KCNMB2: variants seen among roughly 807,000 people sequenced by gnomAD.
The protein encoded by KCNMB2 is potassium calcium-activated channel subfamily M regulatory beta subunit 2, also known as calcium-activated potassium channel subunit beta-2.
KCNMB2 carries 9 observed loss-of-function variants against 24.5 expected under a neutral mutation model. That is an observed-to-expected ratio of 0.37 (90% CI 0.22 to 0.64). KCNMB2 has a LOEUF of 0.64. KCNMB2 is among the 30% of genes least tolerant of loss of function. KCNMB2 has a pLI of 0.63. For synonymous variants in KCNMB2, 109 were observed against 104.4 expected, an observed-to-expected ratio of 1.04 and a Z score of -0.27; for missense variants, 226 against 284.3, an observed-to-expected ratio of 0.79 and a Z score of 1.47.
At chr3:178,718,306 T>C (rs1722684941) in intron 1 of KCNMB2, among the ~76,000 whole-genome samples, 2 of 152,240 alleles carry the variant, frequency 1.3e-5, no homozygotes, top group African/African-American at 4.8e-5. Flanking sequence ...TGCATTGCCC[T>C]GTATGCAGGT....
chr3:178,606,030 TAG>T (rs1718259472), intron 1 of KCNMB2, among the ~76,000 whole-genome samples: 1 of 152,132 alleles, frequency 6.6e-6, no homozygotes, highest in Admixed American at 6.6e-5. Context: ...GCATAAACTG[TAG>T]ATTTAATCAG....
intron 1 of KCNMB2, among the ~76,000 whole-genome samples, chr3:178,544,037 C>A (rs1577000164): frequency 6.6e-6 from 1 of 152,144 alleles, no homozygotes; most frequent in Non-Finnish European, 1.5e-5. Flanking sequence ...CATCACAGTA[C>A]TTTCAATGCC....
At chr3:178,553,451 A>G (rs558054625) in intron 1 of KCNMB2, among the ~76,000 whole-genome samples, 1 of 152,316 alleles carries the variant, frequency 6.6e-6, no homozygotes, top group Admixed American at 6.5e-5. Context: ...AATGATGGGA[A>G]TTGTGACCCA....
chr3:178,747,107 T>G (rs1263279640), intron 1 of KCNMB2: 1 of 152,532 alleles, frequency 6.6e-6, no homozygotes, highest in Non-Finnish European at 1.5e-5. Context: ...AAGACATACC[T>G]GAGACTGCAC....
At chr3:178,750,217 C>CA (rs34836983) in intron 1 of KCNMB2, among the ~76,000 whole-genome samples, 32,850 of 140,914 alleles carry the variant, frequency 0.23, 5,021 homozygotes, top group African/African-American at 0.45. Context: ...ATAACTTTGG[C>CA]AAAAAAAAAA....
At position 178,552,693 on chromosome 3, in the gene KCNMB2, G is replaced by C. The variant is rs115614795; in HGVS notation, c.-68+15982G>C. On this transcript the variant is annotated intron_variant, in intron 1 of 4. Coordinates refer to ENST00000452583, the MANE Select transcript of KCNMB2 (RefSeq NM_181361.3). ...TATATTTGTAACTGTTTTAACTCAA[G>C]CAAATATAATAAGTATCCTTGCTTT... 5.2e-3 allele frequency among the ~76,000 whole-genome samples: 790 copies of C among 152,126 alleles called. 8 individuals are homozygous for C. Among genetic ancestry groups the C allele is most frequent in the African/African-American group, 0.018 (755 of 41,508 alleles).
intron 1 of KCNMB2, among the ~76,000 whole-genome samples, chr3:178,783,422 G>A (rs910663846): frequency 6.6e-6 from 1 of 151,316 alleles, no homozygotes; most frequent in Admixed American, 6.6e-5. Context: ...TCCTACCCAG[G>A]AGCATGGAAT....
intron 1 of KCNMB2, among the ~76,000 whole-genome samples, chr3:178,556,713 C>T (rs1052836767): frequency 6.6e-6 from 1 of 152,102 alleles, no homozygotes; most frequent in African/African-American, 2.4e-5. Context: ...CCGACACATA[C>T]TTTTAAAGGA....
At chr3:178,804,002 G>A (rs1713869953) in intron 1 of KCNMB2, among the ~76,000 whole-genome samples, 1 of 152,106 alleles carries the variant, frequency 6.6e-6, no homozygotes, top group Non-Finnish European at 1.5e-5. Context: ...CATAGGAATG[G>A]TTCTGCCAGG....
intron 2 of KCNMB2, among the ~76,000 whole-genome samples, chr3:178,821,843 T>C (rs1025588934): frequency 5.3e-5 from 8 of 152,210 alleles, no homozygotes; most frequent in South Asian, 2.1e-4. Context: ...TTCTGTCTCA[T>C]AGATATTTCT....
chr3:178,737,746 G>A (rs1449034573), intron 1 of KCNMB2, among the ~76,000 whole-genome samples: 1 of 152,156 alleles, frequency 6.6e-6, no homozygotes, highest in Non-Finnish European at 1.5e-5. Context: ...TGGCTTAAGA[G>A]AGCTACACAT....
chr3:178,671,937 GCACA>G (rs1452972758), intron 1 of KCNMB2, among the ~76,000 whole-genome samples: 1 of 152,138 alleles, frequency 6.6e-6, no homozygotes, highest in African/African-American at 2.4e-5. Flanking sequence ...CCTGGGCTGT[GCACA>G]CAGAGAGGTG....
At chr3:178,671,379 T>C (rs1720892520) in intron 1 of KCNMB2, among the ~76,000 whole-genome samples, 2 of 152,160 alleles carry the variant, frequency 1.3e-5, no homozygotes, top group South Asian at 4.1e-4. Context: ...TGTGTAACCT[T>C]GTGGCATTTG....
chr3:178,765,819 G>A (rs898926031), intron 1 of KCNMB2, among the ~76,000 whole-genome samples: 2 of 151,978 alleles, frequency 1.3e-5, no homozygotes, highest in Admixed American at 6.6e-5. Context: ...CCTGTTCATC[G>A]AGCCCTCAAT....
At chr3:178,680,148 T>C (rs1164150571) in intron 1 of KCNMB2, among the ~76,000 whole-genome samples, 1 of 152,168 alleles carries the variant, frequency 6.6e-6, no homozygotes, top group Non-Finnish European at 1.5e-5. Flanking sequence ...CTTTCTTTTC[T>C]TCTTGAATGA....
At chr3:178,600,182 C>T (rs537682038) in intron 1 of KCNMB2, among the ~76,000 whole-genome samples, 1 of 152,224 alleles carries the variant, frequency 6.6e-6, no homozygotes, top group East Asian at 1.9e-4. Context: ...CCAGTTGTGA[C>T]TAGCTTATTT....
At chr3:178,757,388 ATATATG>A (rs1724128783) in intron 1 of KCNMB2, among the ~76,000 whole-genome samples, 1 of 73,628 alleles carries the variant, frequency 1.4e-5, no homozygotes, top group Non-Finnish European at 2.6e-5. Flanking sequence ...GAGGATATAT[ATATATG>A]TATATATATC....
At chr3:178,737,008 G>A (rs1311608760) in intron 1 of KCNMB2, among the ~76,000 whole-genome samples, 1 of 152,184 alleles carries the variant, frequency 6.6e-6, no homozygotes, top group African/African-American at 2.4e-5. Context: ...AGCGGCTCAT[G>A]CCTGTAATCC....
intron 1 of KCNMB2, among the ~76,000 whole-genome samples, chr3:178,652,664 CTTT>C (rs3052276): frequency 7.3e-6 from 1 of 136,990 alleles, no homozygotes. Context: ...TCTCTATATA[CTTT>C]TTTTTTTTTT....
Sources: gnomAD v4.1 joint callset for allele counts (sites outside exome capture counted in the v4.1 genomes callset) on GRCh38, gnomAD v4.1.1 for gene constraint, MANE v1.5 for transcripts, NCBI Gene and HGNC (gene_info 2026-07-23, HGNC 2026-07-21) for gene names.